The following SEMA6D variants were observed in gnomAD, a reference collection of about 807,000 sequenced individuals.
SEMA6D encodes semaphorin-6D.
SEMA6D carries 35 observed loss-of-function variants against 106.6 expected under a neutral mutation model. The ratio of observed to expected loss-of-function variants is 0.33; its 90% CI spans 0.25 to 0.44. The LOEUF (loss-of-function observed/expected upper bound fraction) is 0.44, where lower values mean the gene tolerates loss of function less well. SEMA6D is among the 20% of genes least tolerant of loss of function. The pLI is 1.00. For missense variants in SEMA6D, 1,185 were observed against 1,345.9 expected (o/e 0.88, Z 1.87); for synonymous variants, 499 against 487.7 (o/e 1.02, Z -0.31).
At chr15:47,511,235 G>T (rs2044221033) in intron 3 of SEMA6D, among the ~76,000 whole-genome samples, 1 of 152,130 alleles carries the variant, frequency 6.6e-6, no homozygotes, top group Admixed American at 6.6e-5. Context: ...TACTTGTTGG[G>T]AATTCCTTCA....
chr15:47,381,519 A>C (rs2039640901), intron 1 of SEMA6D, among the ~76,000 whole-genome samples: 2 of 152,144 alleles, frequency 1.3e-5, no homozygotes, highest in Non-Finnish European at 2.9e-5. Flanking sequence ...GGCCCTGGGG[A>C]TATTCCAATA....
intron 1 of SEMA6D, among the ~76,000 whole-genome samples, chr15:47,285,095 T>C (rs572237797): frequency 6.6e-6 from 1 of 152,312 alleles, no homozygotes; most frequent in South Asian, 2.1e-4. Flanking sequence ...AAATAAATGA[T>C]AAACACCATT....
chr15:47,559,475 C>T (rs568502640), intron 3 of SEMA6D, among the ~76,000 whole-genome samples: 21 of 152,188 alleles, frequency 1.4e-4, no homozygotes, highest in African/African-American at 5.1e-4. Context: ...TGAAAACAAA[C>T]AGCCCTGCTA....
intron 4 of SEMA6D, among the ~76,000 whole-genome samples, chr15:47,698,309 G>A (rs1211231805): frequency 5.3e-5 from 8 of 152,152 alleles, no homozygotes; most frequent in Non-Finnish European, 1.2e-4. Flanking sequence ...GAGAAAAAAA[G>A]GGCCAGTATC....
At chr15:47,433,541 A>G (rs1595984410) in intron 2 of SEMA6D, among the ~76,000 whole-genome samples, 1 of 152,218 alleles carries the variant, frequency 6.6e-6, no homozygotes, top group East Asian at 1.9e-4. Context: ...CCCCTTGTAG[A>G]GATGTTTATG....
At chr15:47,504,437 G>A (rs1056928440) in intron 3 of SEMA6D, among the ~76,000 whole-genome samples, 1 of 152,114 alleles carries the variant, frequency 6.6e-6, no homozygotes, top group Admixed American at 6.5e-5. Context: ...ACCCCATGGC[G>A]AGGGACAGCA....
intron 3 of SEMA6D, among the ~76,000 whole-genome samples, chr15:47,598,601 A>G (rs961099958): frequency 2.0e-5 from 3 of 152,114 alleles, no homozygotes; most frequent in African/African-American, 7.2e-5. Context: ...CTCTCTGCAT[A>G]AAAGCGTCTT....
chr15:47,411,544 A>G (rs1220159589), intron 1 of SEMA6D, among the ~76,000 whole-genome samples: 2 of 152,220 alleles, frequency 1.3e-5, no homozygotes, highest in African/African-American at 2.4e-5. Flanking sequence ...ACAAGCTAAC[A>G]TACACACTCA....
chr15:47,399,112 AT>A (rs2040314202), intron 1 of SEMA6D, among the ~76,000 whole-genome samples: 1 of 152,224 alleles, frequency 6.6e-6, no homozygotes, highest in African/African-American at 2.4e-5. Context: ...AAACTTCTAT[AT>A]ATTTCCTCAG....
At chr15:47,219,247 C>G (rs913959410) in intron 1 of SEMA6D, among the ~76,000 whole-genome samples, 7 of 152,172 alleles carry the variant, frequency 4.6e-5, no homozygotes, top group Admixed American at 3.9e-4. Context: ...TGGACTTTCA[C>G]TGTCTCAACA....
intron 1 of SEMA6D, among the ~76,000 whole-genome samples, chr15:47,335,237 T>C (rs568901660): frequency 6.6e-6 from 1 of 152,220 alleles, no homozygotes; most frequent in African/African-American, 2.4e-5. Flanking sequence ...AAATAGACTG[T>C]GAGAGTAACT....
chr15:47,279,809 GT>G (rs2035023459), intron 1 of SEMA6D, among the ~76,000 whole-genome samples: 1 of 151,048 alleles, frequency 6.6e-6, no homozygotes, highest in African/African-American at 2.4e-5. Context: ...CTTTGGTTCT[GT>G]TTATATGCTG....
chr15:47,609,241 TTAA>T (rs1439719996), intron 4 of SEMA6D, among the ~76,000 whole-genome samples: 3 of 152,210 alleles, frequency 2.0e-5, no homozygotes, highest in African/African-American at 4.8e-5. Context: ...TACATAGATC[TTAA>T]TAAATAAAAC....
At chr15:47,380,279 G>A (rs569570203) in intron 1 of SEMA6D, among the ~76,000 whole-genome samples, 5 of 152,278 alleles carry the variant, frequency 3.3e-5, no homozygotes, top group East Asian at 1.9e-4. Flanking sequence ...TTGAGTTCGA[G>A]TCTCTCTTCT....
intron 1 of SEMA6D, among the ~76,000 whole-genome samples, chr15:47,354,427 C>A (rs1261081034): frequency 2.8e-5 from 4 of 143,996 alleles, no homozygotes; most frequent in Middle Eastern, 4.1e-3. Flanking sequence ...ATACATATAC[C>A]TATATATATG....
At chr15:47,760,063 G>C in intron 2 of SEMA6D, 156 bp downstream of exon 2, 1 of 681,206 alleles carries the variant, frequency 1.5e-6, no homozygotes, top group Non-Finnish European at 2.5e-6. Context: ...CTAGTGTTTG[G>C]AGAAAACGGG....
intron 3 of SEMA6D, among the ~76,000 whole-genome samples, chr15:47,475,371 A>G (rs534604382): frequency 1.3e-5 from 2 of 152,338 alleles, no homozygotes; most frequent in South Asian, 4.1e-4. Context: ...AAATCTTGTC[A>G]CAGAATGTCT....
At chr15:47,442,151 A>C (rs1403274913) in intron 2 of SEMA6D, among the ~76,000 whole-genome samples, 1 of 152,108 alleles carries the variant, frequency 6.6e-6, no homozygotes, top group Admixed American at 6.6e-5. Context: ...TACATTGACA[A>C]TATTTCCACT....
intron 4 of SEMA6D, among the ~76,000 whole-genome samples, chr15:47,629,141 A>C (rs2573566): frequency 0.12 from 17,628 of 152,034 alleles, 1,232 homozygotes; most frequent in East Asian, 0.22. Context: ...GCAGCTACAT[A>C]ATAAGTCATA....
Sources: gnomAD v4.1 joint callset for allele counts (sites outside exome capture counted in the v4.1 genomes callset) on GRCh38, gnomAD v4.1.1 for gene constraint, MANE v1.5 for transcripts, NCBI Gene and HGNC (gene_info 2026-07-23, HGNC 2026-07-21) for gene names.